DGKI: variants seen among roughly 807,000 people sequenced by gnomAD.
DGKI encodes the protein DAG kinase iota.
Under a neutral mutation model 147.5 loss-of-function variants are expected in DGKI, and 55 were observed. The ratio of observed to expected loss-of-function variants is 0.37; its 90% CI spans 0.30 to 0.47. The LOEUF is 0.47. Among genes scored for constraint, DGKI ranks in the 20% least tolerant of loss-of-function variants. The pLI is 1.00. For synonymous variants in DGKI, 469 were observed against 477.1 expected (o/e 0.98, Z 0.22); for missense variants, 1,007 against 1,323.8 (o/e 0.76, Z 3.71).
At chr7:137,835,664 G>A (rs763929836) in intron 1 of DGKI, among the ~76,000 whole-genome samples, 1 of 152,022 alleles carries the variant, frequency 6.6e-6, no homozygotes, top group Non-Finnish European at 1.5e-5. Flanking sequence ...TACAGGAAGG[G>A]CAATGACAAT....
rs1030447667 is a variant in DGKI, at chr7:137,426,081, C to T, written c.2762-13874G>A. 1.1e-4 allele frequency among the ~76,000 whole-genome samples: 17 copies of T among 152,128 alleles called. 1 individual carries two copies. The highest frequency in any genetic ancestry group is 3.1e-4 in the African/African-American group (13 of 41,436). On this transcript the variant is annotated intron_variant, in intron 28 of 32. Coordinates refer to ENST00000614521, the MANE Select transcript of DGKI (RefSeq NM_001321708.2). ...AAGATACTCCTCGAGAAGAGCAACT[C>T]CAAGGCACATAATTGTCAGATTCAC...
At chr7:137,588,018 T>C (rs867164481) in intron 12 of DGKI, among the ~76,000 whole-genome samples, 1 of 152,212 alleles carries the variant, frequency 6.6e-6, no homozygotes, top group Non-Finnish European at 1.5e-5. Flanking sequence ...TATAATGTCA[T>C]ACTAAAATAG....
chr7:137,635,926 C>T (rs974220213), intron 6 of DGKI, among the ~76,000 whole-genome samples: 8 of 152,152 alleles, frequency 5.3e-5, no homozygotes, highest in East Asian at 3.9e-4. Context: ...TGAATTTCTT[C>T]GTCATGGGAC....
At chr7:137,784,411 A>G (rs58792104) in intron 1 of DGKI, among the ~76,000 whole-genome samples, 31,706 of 152,108 alleles carry the variant, frequency 0.21, 4,921 homozygotes, top group African/African-American at 0.43. Flanking sequence ...GACAAGTCCA[A>G]CAGGAAAATA....
chr7:137,408,058 C>T (rs1433102330), intron 29 of DGKI, 63 bp from the exon 30 acceptor site: 12 of 1,588,602 alleles, frequency 7.6e-6, no homozygotes, highest in Admixed American at 3.5e-5. Context: ...AACAGCTAAC[C>T]GGTAATAAAA....
intron 1 of DGKI, among the ~76,000 whole-genome samples, chr7:137,833,520 C>T (rs147235837): frequency 6.6e-6 from 1 of 152,302 alleles, no homozygotes; most frequent in African/African-American, 2.4e-5. Context: ...TCCCACAACA[C>T]ATGGGAATTA....
intron 20 of DGKI, among the ~76,000 whole-genome samples, chr7:137,523,755 GA>G (rs1219069870): frequency 6.6e-6 from 1 of 152,124 alleles, no homozygotes; most frequent in Non-Finnish European, 1.5e-5. Flanking sequence ...TGTGATTGGA[GA>G]TACAGCTTGA....
At chr7:137,443,474 A>T (rs1813592033) in intron 28 of DGKI, among the ~76,000 whole-genome samples, 1 of 152,208 alleles carries the variant, frequency 6.6e-6, no homozygotes, top group African/African-American at 2.4e-5. Flanking sequence ...TAGACACTTA[A>T]CACTTTTGTG....
intron 1 of DGKI, among the ~76,000 whole-genome samples, chr7:137,789,553 CAG>C (rs1201063216): frequency 2.0e-5 from 3 of 151,744 alleles, no homozygotes; most frequent in East Asian, 3.9e-4. Flanking sequence ...TGTTTCAAAA[CAG>C]AATATTTAGG....
At chr7:137,586,271 A>C (rs1819392281) in intron 13 of DGKI, among the ~76,000 whole-genome samples, 1 of 151,006 alleles carries the variant, frequency 6.6e-6, no homozygotes, top group Non-Finnish European at 1.5e-5. Context: ...ATAAACATAC[A>C]AAAAAAATTA....
chr7:137,801,558 C>A (rs1244126663), intron 1 of DGKI, among the ~76,000 whole-genome samples: 2 of 152,214 alleles, frequency 1.3e-5, no homozygotes, highest in African/African-American at 4.8e-5. Flanking sequence ...TCACTCTCCA[C>A]AGAATAAATA....
At chr7:137,629,920 G>C (rs188679794) in intron 6 of DGKI, among the ~76,000 whole-genome samples, 22 of 152,104 alleles carry the variant, frequency 1.4e-4, no homozygotes, top group South Asian at 1.0e-3. Flanking sequence ...TGCAAAACTA[G>C]GGTTTATTTA....
chr7:137,740,522 A>G (rs1163616257), intron 1 of DGKI, among the ~76,000 whole-genome samples: 2 of 152,158 alleles, frequency 1.3e-5, no homozygotes, highest in South Asian at 4.1e-4. Flanking sequence ...CCACAGTCAC[A>G]CTTCCCTACT....
intron 6 of DGKI, among the ~76,000 whole-genome samples, chr7:137,643,152 G>A (rs942965981): frequency 4.6e-5 from 7 of 151,640 alleles, no homozygotes; most frequent in African/African-American, 1.5e-4. Context: ...TTAGCCGGGC[G>A]TGTTGGCGGG....
At chr7:137,525,982 T>A (rs952903564) in intron 20 of DGKI, among the ~76,000 whole-genome samples, 3 of 150,844 alleles carry the variant, frequency 2.0e-5, no homozygotes, top group African/African-American at 7.3e-5. Flanking sequence ...ACTAAAAACA[T>A]GAAAACAGAC....
chr7:137,536,258 A>G (rs1229234301), intron 20 of DGKI, among the ~76,000 whole-genome samples: 1 of 152,106 alleles, frequency 6.6e-6, no homozygotes, highest in Non-Finnish European at 1.5e-5. Flanking sequence ...GTTTCCTACC[A>G]TTTCTTGTTC....
At chr7:137,692,835 T>C (rs1823658749) in intron 1 of DGKI, among the ~76,000 whole-genome samples, 1 of 152,204 alleles carries the variant, frequency 6.6e-6, no homozygotes, top group Non-Finnish European at 1.5e-5. Context: ...GTTGGTTTTA[T>C]GTCTACACAC....
intron 2 of DGKI, 93 bp downstream of exon 2, chr7:137,689,801 A>T: frequency 1.2e-6 from 1 of 862,114 alleles, no homozygotes; most frequent in Non-Finnish European, 1.7e-6. Flanking sequence ...GAAAATTATT[A>T]AGCAAGTCTT....
intron 31 of DGKI, chr7:137,395,923 T>C (rs1328509442): frequency 5.9e-6 from 3 of 510,786 alleles, no homozygotes; most frequent in East Asian, 3.0e-5. Flanking sequence ...TTCCAAATAG[T>C]GTTGATTAAG....
Sources: gnomAD v4.1 joint callset for allele counts (sites outside exome capture counted in the v4.1 genomes callset) on GRCh38, gnomAD v4.1.1 for gene constraint, MANE v1.5 for transcripts, NCBI Gene and HGNC (gene_info 2026-07-23, HGNC 2026-07-21) for gene names.